TRIM2: variants seen among roughly 807,000 people sequenced by gnomAD.
TRIM2 encodes tripartite motif containing 2.
A neutral mutation model predicts 75.2 loss-of-function variants in TRIM2; 20 were observed. The observed-to-expected ratio is 0.27, with a 90% CI of 0.19 to 0.39. TRIM2 has a LOEUF of 0.39. TRIM2 is among the 10% of genes least tolerant of loss of function. The pLI is 1.00. For missense variants in TRIM2, 660 were observed against 990.8 expected (o/e 0.67, Z 4.48); for synonymous variants, 373 against 388.3 (o/e 0.96, Z 0.46).
chr4:153,217,733 A>T (rs11727444), intron 1 of TRIM2, among the ~76,000 whole-genome samples: 53,765 of 152,006 alleles, frequency 0.35, 10,377 homozygotes, highest in East Asian at 0.62. Context: ...AGAGACAGAG[A>T]ATAAGGATAA....
chr4:153,292,980 A>G lies in TRIM2; in HGVS notation c.454-2A>G. The G allele has an allele frequency of 6.2e-7, 1 of 1,605,376 alleles. No individual in the cohort carries two copies. The highest frequency in any genetic ancestry group is 8.5e-7 in the Non-Finnish European group (1 of 1,174,538). On this transcript the variant is annotated splice_acceptor_variant, in intron 3 of 11. Transcript: ENST00000338700. LOFTEE classifies it high-confidence loss of function. ...CAGGAACTTTTCTTGTGTCATCCAC[A>G]GGTGATGGAATTTTACTGCCAGTCC...
At chr4:153,156,079 A>G (rs1205420509) in intron 1 of TRIM2, among the ~76,000 whole-genome samples, 1 of 152,220 alleles carries the variant, frequency 6.6e-6, no homozygotes, top group Non-Finnish European at 1.5e-5. Context: ...AATTAAGGGT[A>G]AAGCATTTTA....
intron 1 of TRIM2, among the ~76,000 whole-genome samples, chr4:153,171,454 C>T (rs1006433062): frequency 6.6e-6 from 1 of 152,058 alleles, no homozygotes; most frequent in Non-Finnish European, 1.5e-5. Context: ...GGCATGGTGG[C>T]GGGTGCCTGT....
intron 6 of TRIM2, among the ~76,000 whole-genome samples, chr4:153,305,071 G>A (rs1467174517): frequency 6.6e-6 from 1 of 152,138 alleles, no homozygotes; most frequent in Non-Finnish European, 1.5e-5. Context: ...AAAATGTTTT[G>A]GAAGGAGAGA....
chr4:153,312,899 A>G (rs1766675842), intron 6 of TRIM2, among the ~76,000 whole-genome samples: 1 of 152,128 alleles, frequency 6.6e-6, no homozygotes, highest in Non-Finnish European at 1.5e-5. Context: ...GTTTTGCTGT[A>G]CCTGTTACCT....
rs927384760 is a variant in TRIM2 at position 153,248,709 on chromosome 4, T to C, written c.31-21626T>C. 1.3e-5 allele frequency among the ~76,000 whole-genome samples: 2 copies of C among 152,240 alleles called. No individual in the cohort carries two copies. The highest frequency in any genetic ancestry group is 2.9e-5 in the Non-Finnish European group (2 of 68,048). The stretch of plus-strand genomic sequence containing the variant: ...TCTGACTTTCATCATAGGATTCTAA[T>C]CGTGGATGAAAGTGACCCTGAGTTG... On this transcript the variant is annotated intron_variant, in intron 1 of 11. Transcript: ENST00000338700. The surrounding 1 kb of genome is among the most constrained non-coding windows in gnomAD (Gnocchi z 4.0).
chr4:153,331,558 T>C (rs1238150510), intron 11 of TRIM2, among the ~76,000 whole-genome samples: 1 of 152,176 alleles, frequency 6.6e-6, no homozygotes, highest in Non-Finnish European at 1.5e-5. Context: ...TCAACAATGA[T>C]GTCAGTTGTC....
chr4:153,196,092 G>A (rs1303500651), intron 1 of TRIM2, among the ~76,000 whole-genome samples: 3 of 152,216 alleles, frequency 2.0e-5, no homozygotes, highest in Admixed American at 6.5e-5. Context: ...TTACAGGCGT[G>A]AGCCACTGTG....
intron 8 of TRIM2, among the ~76,000 whole-genome samples, chr4:153,320,583 A>G (rs1005209563): frequency 6.6e-6 from 1 of 152,148 alleles, no homozygotes; most frequent in Non-Finnish European, 1.5e-5. Context: ...CTCAGACTAC[A>G]CTCATTGTTC....
chr4:153,326,693 A>T (rs998504994), intron 10 of TRIM2, among the ~76,000 whole-genome samples: 16 of 152,256 alleles, frequency 1.1e-4, no homozygotes, highest in Admixed American at 1.3e-4. Context: ...TCAGAAAGAT[A>T]AACAAGGCTG....
intron 1 of TRIM2, among the ~76,000 whole-genome samples, chr4:153,195,161 A>G (rs963105060): frequency 1.3e-5 from 2 of 152,180 alleles, no homozygotes; most frequent in African/African-American, 4.8e-5. Flanking sequence ...CAGAGACACC[A>G]TAGAGGGAAG....
At chr4:153,160,793 G>A (rs770051093) in intron 1 of TRIM2, among the ~76,000 whole-genome samples, 7 of 152,080 alleles carry the variant, frequency 4.6e-5, no homozygotes, top group Admixed American at 6.6e-5. Context: ...ATAGAGACAA[G>A]GGTCTCTGTA....
At chr4:153,322,134 G>A (rs1769132070) in intron 8 of TRIM2, among the ~76,000 whole-genome samples, 1 of 151,612 alleles carries the variant, frequency 6.6e-6, no homozygotes, top group Non-Finnish European at 1.5e-5. Flanking sequence ...TAAGGGCTGG[G>A]CACGAGGGCT....
At chr4:153,214,941 C>T (rs1173628192) in intron 1 of TRIM2, among the ~76,000 whole-genome samples, 1 of 152,132 alleles carries the variant, frequency 6.6e-6, no homozygotes, top group African/African-American at 2.4e-5. Flanking sequence ...TAATTGGAAT[C>T]AGGTGTTAAA....
At chr4:153,281,267 A>G (rs1263070991) in intron 3 of TRIM2, among the ~76,000 whole-genome samples, 3 of 152,228 alleles carry the variant, frequency 2.0e-5, no homozygotes, top group Admixed American at 2.0e-4. Context: ...TCAATTTGAC[A>G]AAATATAATG....
chr4:153,234,138 G>T (rs1158265366), intron 1 of TRIM2, among the ~76,000 whole-genome samples: 1 of 152,214 alleles, frequency 6.6e-6, no homozygotes, highest in Non-Finnish European at 1.5e-5. Flanking sequence ...AGTCACTGCG[G>T]AAGAGCTAGC....
At chr4:153,158,593 GA>G (rs1729450172) in intron 1 of TRIM2, among the ~76,000 whole-genome samples, 1 of 152,092 alleles carries the variant, frequency 6.6e-6, no homozygotes, top group Admixed American at 6.6e-5. Flanking sequence ...ATCATGTTTA[GA>G]AGAAAGATTT....
chr4:153,159,274 G>A (rs907660216), intron 1 of TRIM2, among the ~76,000 whole-genome samples: 1 of 133,826 alleles, frequency 7.5e-6, no homozygotes, highest in Non-Finnish European at 1.6e-5. Context: ...TACATTAGAA[G>A]TTCATTGAGT....
chr4:153,310,417 A>G (rs1446257790), intron 6 of TRIM2, among the ~76,000 whole-genome samples: 3 of 152,236 alleles, frequency 2.0e-5, no homozygotes, highest in African/African-American at 7.2e-5. Flanking sequence ...CATGATCCCA[A>G]ATTATTTCTA....
Sources: allele counts gnomAD v4.1 joint callset (sites outside exome capture counted in the v4.1 genomes callset), GRCh38; gene constraint gnomAD v4.1.1; non-coding constraint Gnocchi (gnomAD v3.1); transcripts MANE v1.5; gene names NCBI Gene and HGNC (gene_info 2026-07-23, HGNC 2026-07-21).